The following NEK10 variants were observed in gnomAD, a reference collection of about 807,000 sequenced individuals.
NEK10 encodes NIMA related kinase 10.
NEK10 carries 122 observed loss-of-function variants against 159.8 expected under a neutral mutation model. The ratio of observed to expected loss-of-function variants is 0.76; its 90% confidence interval spans 0.66 to 0.89. NEK10 has a LOEUF of 0.89. Ranked by LOEUF, NEK10 falls within the 40% of genes least tolerant of loss-of-function variation. The pLI is 0.00. For synonymous variants in NEK10, 466 were observed against 457.1 expected, an observed-to-expected ratio of 1.02 and a Z score of -0.25; for missense variants, 1,342 against 1,323.1, an observed-to-expected ratio of 1.01 and a Z score of -0.22.
At chr3:27,210,526 C>T (rs140003074) in intron 23 of NEK10, among the ~76,000 whole-genome samples, 4 of 152,270 alleles carry the variant, frequency 2.6e-5, no homozygotes, top group Admixed American at 6.5e-5. Context: ...CTCTGTATAA[C>T]GAGACCACCT....
rs1276045688 is a variant in NEK10 at position 27,110,941 on chromosome 3, G to A, written c.*331C>T. On this transcript the variant is annotated 3_prime_UTR_variant, in exon 36 of 36. Transcript: ENST00000691995. ...TATGACAAGTTTTTTTTAATGTTAA[G>A]GAAAATTCTGTAAGAGAGTTTTTTT... The A allele has an allele frequency of 9.6e-6, 2 of 207,894 alleles. No homozygotes were observed. The highest frequency in any genetic ancestry group is 1.9e-5 in the Non-Finnish European group (2 of 105,422). The allele number at this position is 207,894 out of a possible 1,614,324, so 12.9% of individuals were successfully genotyped here. A position where few individuals can be genotyped will look rare whatever the true frequency, so the allele number is the denominator to read the frequency against.
At chr3:27,312,545 T>C (rs2044785932) in intron 7 of NEK10, among the ~76,000 whole-genome samples, 1 of 152,222 alleles carries the variant, frequency 6.6e-6, no homozygotes, top group East Asian at 1.9e-4. Flanking sequence ...TGTATCTTTT[T>C]AGGAGAATTT....
chr3:27,226,508 T>A (rs1023099969), intron 23 of NEK10, among the ~76,000 whole-genome samples: 2 of 152,124 alleles, frequency 1.3e-5, no homozygotes, highest in Non-Finnish European at 2.9e-5. Context: ...GCTGCAGAGG[T>A]CACAGTAACG....
chr3:27,274,624 T>C (rs1035304402), intron 22 of NEK10, among the ~76,000 whole-genome samples: 2 of 151,998 alleles, frequency 1.3e-5, no homozygotes, highest in African/African-American at 4.8e-5. Context: ...CTCTCTTTTT[T>C]TCACATATGC....
chr3:27,311,458 A>G (rs575750966), intron 8 of NEK10: 2 of 157,720 alleles, frequency 1.3e-5, no homozygotes, highest in East Asian at 3.8e-4. Flanking sequence ...AGGGCTTGCC[A>G]TAAACTCTTC....
chr3:27,252,790 A>T, intron 23 of NEK10: 1 of 439,624 alleles, frequency 2.3e-6, no homozygotes, highest in East Asian at 6.9e-5. Flanking sequence ...GAGGGAGCCC[A>T]GATGAAACAG....
At chr3:27,347,721 A>C (rs1362827532) in intron 3 of NEK10, among the ~76,000 whole-genome samples, 1 of 152,134 alleles carries the variant, frequency 6.6e-6, no homozygotes. Context: ...CTACTTTTCT[A>C]TCTCAATTCG....
At chr3:27,115,433 T>C (rs1032178254) in intron 35 of NEK10, among the ~76,000 whole-genome samples, 1 of 152,100 alleles carries the variant, frequency 6.6e-6, no homozygotes, top group Non-Finnish European at 1.5e-5. Context: ...CTCCAGTAAA[T>C]GGAGGTTTTT....
intron 22 of NEK10, among the ~76,000 whole-genome samples, chr3:27,269,250 G>A (rs777197939): frequency 1.3e-5 from 2 of 152,224 alleles, no homozygotes; most frequent in Non-Finnish European, 2.9e-5. Flanking sequence ...GGAGGCAGCA[G>A]GGTTTGAGAG....
intron 32 of NEK10, among the ~76,000 whole-genome samples, chr3:27,121,662 C>T (rs541132399): frequency 2.0e-5 from 3 of 152,250 alleles, no homozygotes; most frequent in African/African-American, 7.2e-5. Flanking sequence ...AAATGTAAGT[C>T]CAATTAAACC....
intron 23 of NEK10, among the ~76,000 whole-genome samples, chr3:27,242,321 T>C (rs1470051372): frequency 6.6e-6 from 1 of 152,240 alleles, no homozygotes; most frequent in African/African-American, 2.4e-5. Flanking sequence ...TACTATCTAC[T>C]TATCAATCGA....
rs186511009 is a variant in NEK10 at position 27,336,937 on chromosome 3, T to A, written c.362+7335A>T. 2.0e-4 allele frequency among the ~76,000 whole-genome samples: 31 copies of A among 152,172 alleles called. 1 individual carries two copies. Among genetic ancestry groups the A allele is most frequent in the Admixed American group, 7.2e-4 (11 of 15,272 alleles). On this transcript the variant is annotated intron_variant, in intron 5 of 35. Coordinates refer to ENST00000691995, the MANE Select transcript of NEK10 (RefSeq NM_001394966.1). ...TCCAAGAAATGGAACATGACAAGGC[T>A]GTCTACCTGCACCACTCAAATTCAA...
chr3:27,316,720 A>G (rs2045215078), intron 6 of NEK10, among the ~76,000 whole-genome samples: 1 of 152,118 alleles, frequency 6.6e-6, no homozygotes, highest in Non-Finnish European at 1.5e-5. Flanking sequence ...TTCCTAAACC[A>G]TGTCCTGGAA....
intron 22 of NEK10, among the ~76,000 whole-genome samples, chr3:27,281,811 A>C (rs2042180152): frequency 6.6e-6 from 1 of 152,172 alleles, no homozygotes; most frequent in Non-Finnish European, 1.5e-5. Flanking sequence ...AGTACACTGC[A>C]ACAAGCAGCT....
chr3:27,145,622 G>T (rs1185686326), intron 30 of NEK10, among the ~76,000 whole-genome samples: 1 of 152,114 alleles, frequency 6.6e-6, no homozygotes, highest in Non-Finnish European at 1.5e-5. Flanking sequence ...ACTTGGGTGA[G>T]AAACTGGGAG....
In NEK10 at chr3:27,168,475, T is replaced by G. The variant is rs1946675247; in HGVS notation, c.2831+3344A>C. Among the ~76,000 whole-genome samples, 4 of 152,340 alleles carry G rather than the reference T, an allele frequency of 2.6e-5. No individual in the cohort carries two copies. The South Asian group carries it at 8.3e-4, about 32-fold the overall frequency. ...TAACTTTAGCTCTATTTAACGTTCTTTAAAGAATTATAAATACATTTTGGG... is the reference window on the plus strand; with the variant it reads ...TAACTTTAGCTCTATTTAACGTTCTGTAAAGAATTATAAATACATTTTGGG... On this transcript the variant is annotated intron_variant, in intron 29 of 35. Coordinates refer to ENST00000691995, the MANE Select transcript of NEK10 (RefSeq NM_001394966.1).
chr3:27,202,587 C>T (rs1263548990), intron 23 of NEK10, 30 bp from the exon 24 acceptor site: 2 of 1,543,532 alleles, frequency 1.3e-6, no homozygotes, highest in East Asian at 2.4e-5. Flanking sequence ...TTAATACATG[C>T]TAAGGAAGGG....
chr3:27,281,744 C>T (rs943254356), intron 22 of NEK10, among the ~76,000 whole-genome samples: 1 of 152,048 alleles, frequency 6.6e-6, no homozygotes, highest in Middle Eastern at 3.4e-3. Flanking sequence ...AATCGGAAGA[C>T]CAACAAACAA....
chr3:27,304,520 C>T (rs1440899636), intron 12 of NEK10, among the ~76,000 whole-genome samples: 1 of 152,078 alleles, frequency 6.6e-6, no homozygotes, highest in Non-Finnish European at 1.5e-5. Context: ...GTTGGTGATG[C>T]AAAGATAAAT....
Sources: gnomAD v4.1 joint callset for allele counts (sites outside exome capture counted in the v4.1 genomes callset) on GRCh38, gnomAD v4.1.1 for gene constraint, MANE v1.5 for transcripts, NCBI Gene and HGNC (gene_info 2026-07-23, HGNC 2026-07-21) for gene names.